SHROOM3: variants seen among roughly 807,000 people sequenced by gnomAD.
SHROOM3 encodes protein Shroom3.
In SHROOM3, 47 loss-of-function variants were observed where a neutral mutation model predicts 138.6. The ratio of observed to expected loss-of-function variants is 0.34; its 90% CI spans 0.27 to 0.43. The LOEUF (loss-of-function observed/expected upper bound fraction) is 0.43. Among genes scored for constraint, SHROOM3 ranks in the 20% least tolerant of loss-of-function variants. SHROOM3 has a pLI of 1.00. For missense variants in SHROOM3, 2,491 were observed against 2,596.5 expected (o/e 0.96, Z 0.88); for synonymous variants, 1,062 against 1,063.3 (o/e 1.00, Z 0.02).
chr4:76,484,048 C>T (rs752104997), intron 1 of SHROOM3, among the ~76,000 whole-genome samples: 12 of 151,972 alleles, frequency 7.9e-5, no homozygotes, highest in Non-Finnish European at 1.2e-4. Flanking sequence ...TGTAGATTGA[C>T]GGGTTGATGG....
intron 2 of SHROOM3, among the ~76,000 whole-genome samples, chr4:76,622,831 G>T (rs1735038909): frequency 6.6e-6 from 1 of 152,112 alleles, no homozygotes; most frequent in Non-Finnish European, 1.5e-5. Flanking sequence ...CAGGTTTATA[G>T]CTTTGAGAGT....
At chr4:76,729,472 C>G (rs779907144) in intron 3 of SHROOM3, among the ~76,000 whole-genome samples, 16 of 152,080 alleles carry the variant, frequency 1.1e-4, no homozygotes, top group Admixed American at 1.3e-4. Context: ...AGAACATTTT[C>G]CTATCACCCT....
chr4:76,587,575 G>A (rs773814815), intron 2 of SHROOM3, among the ~76,000 whole-genome samples: 1 of 152,096 alleles, frequency 6.6e-6, no homozygotes. Flanking sequence ...TTCTTCCAAT[G>A]ATTACAGCCA....
chr4:76,510,697 T>G (rs911644603), intron 1 of SHROOM3, among the ~76,000 whole-genome samples: 1 of 152,200 alleles, frequency 6.6e-6, no homozygotes, highest in Non-Finnish European at 1.5e-5. Flanking sequence ...TTTTCTGCCA[T>G]GTACTTCAAT....
chr4:76,753,659 G>A (rs1721704918), intron 6 of SHROOM3, among the ~76,000 whole-genome samples: 2 of 152,208 alleles, frequency 1.3e-5, no homozygotes, highest in Non-Finnish European at 2.9e-5. Context: ...TCGGAGTCTA[G>A]CGTACAGTTG....
chr4:76,731,705 C>T (rs900954987), intron 4 of SHROOM3, among the ~76,000 whole-genome samples: 41 of 151,488 alleles, frequency 2.7e-4, no homozygotes, highest in African/African-American at 8.7e-4. Flanking sequence ...CGCTTGAACC[C>T]GGGAGGTGGA....
chr4:76,452,924 G>A (rs1343715034), intron 1 of SHROOM3, among the ~76,000 whole-genome samples: 1 of 152,088 alleles, frequency 6.6e-6, no homozygotes, highest in African/African-American at 2.4e-5. Context: ...CACCATGTTG[G>A]CCAGGCTGGT....
intron 2 of SHROOM3, among the ~76,000 whole-genome samples, chr4:76,578,528 T>C (rs1378425898): frequency 1.3e-5 from 2 of 152,242 alleles, no homozygotes; most frequent in African/African-American, 2.4e-5. Flanking sequence ...CTTACTTATT[T>C]GAACACAGTT....
chr4:76,715,083 C>A (rs1271033408), intron 3 of SHROOM3, among the ~76,000 whole-genome samples: 2 of 152,056 alleles, frequency 1.3e-5, no homozygotes, highest in Non-Finnish European at 2.9e-5. Flanking sequence ...GGGTATGGAG[C>A]AGTTCTAATT....
intron 4 of SHROOM3, among the ~76,000 whole-genome samples, chr4:76,732,175 A>G (rs1242803796): frequency 6.6e-6 from 1 of 152,220 alleles, no homozygotes; most frequent in Non-Finnish European, 1.5e-5. Context: ...AAATGCTTAG[A>G]TAGCGCTAAT....
intron 2 of SHROOM3, among the ~76,000 whole-genome samples, chr4:76,567,260 C>A (rs766032935): frequency 1.3e-5 from 2 of 152,086 alleles, no homozygotes; most frequent in Non-Finnish European, 2.9e-5. Context: ...GGGTGCCAGG[C>A]GCGGTTGCTC....
At chr4:76,704,612 C>T (rs1279788911) in intron 2 of SHROOM3, among the ~76,000 whole-genome samples, 1 of 152,170 alleles carries the variant, frequency 6.6e-6, no homozygotes, top group African/African-American at 2.4e-5. Context: ...GGTCAGAATG[C>T]AGTAAGGGGA....
At chr4:76,628,950 C>T (rs1735230328) in intron 2 of SHROOM3, 1 of 152,134 alleles carries the variant, frequency 6.6e-6, no homozygotes, top group Non-Finnish European at 1.5e-5. Flanking sequence ...AAGCGATTCT[C>T]CCGTCTCAGC....
intron 3 of SHROOM3, among the ~76,000 whole-genome samples, chr4:76,712,189 C>G (rs1720249646): frequency 6.6e-6 from 1 of 152,128 alleles, no homozygotes. Flanking sequence ...AGAAAATGAT[C>G]AAGACCTGAA....
At chr4:76,607,234 C>T (rs1208658792) in intron 2 of SHROOM3, among the ~76,000 whole-genome samples, 1 of 152,070 alleles carries the variant, frequency 6.6e-6, no homozygotes, top group Non-Finnish European at 1.5e-5. Context: ...TGTGGTCCTT[C>T]TGGGTCTAGG....
At chr4:76,601,131 G>T (rs964745449) in intron 2 of SHROOM3, among the ~76,000 whole-genome samples, 44 of 152,314 alleles carry the variant, frequency 2.9e-4, no homozygotes, top group African/African-American at 1.0e-3. Context: ...CCCATAGTTT[G>T]CTGTAAAACA....
At chr4:76,463,967 G>A (rs1294475183) in intron 1 of SHROOM3, among the ~76,000 whole-genome samples, 1 of 152,252 alleles carries the variant, frequency 6.6e-6, no homozygotes, top group African/African-American at 2.4e-5. Flanking sequence ...CTCTACTAGG[G>A]CAGTGCAGAA....
intron 1 of SHROOM3, among the ~76,000 whole-genome samples, chr4:76,441,095 T>TTTTGTTTTTTG (rs1560506916): frequency 3.0e-5 from 4 of 132,386 alleles, no homozygotes; most frequent in African/African-American, 1.1e-4. Context: ...TGTTTTTTTT[T>TTTTGTTTTTTG]TTTTTTTTTT....
Position 76,703,448 on chromosome 4 carries a change from C to T in SHROOM3, c.324-6708C>T, listed in dbSNP as rs965557044. ...GTAATTCATTGAGATGTCTGTGAAA[C>T]GGCTGATCAATGGTCAGTTATCAGA... is the stretch of plus-strand genomic sequence containing the variant. On this transcript the variant is annotated intron_variant, in intron 2 of 10. Transcript: ENST00000296043. Among the ~76,000 whole-genome samples, 19 of 152,074 alleles carry T rather than the reference C, an allele frequency of 1.2e-4. 1 individual carries two copies. Among genetic ancestry groups the T allele is most frequent in the Admixed American group, 7.9e-4 (12 of 15,280 alleles).
Sources: gnomAD v4.1 joint callset for allele counts (sites outside exome capture counted in the v4.1 genomes callset) on GRCh38, gnomAD v4.1.1 for gene constraint, MANE v1.5 for transcripts, NCBI Gene and HGNC (gene_info 2026-07-23, HGNC 2026-07-21) for gene names.